Variants in FGF14 observed in about 807,000 individuals in gnomAD.
FGF14 encodes fibroblast growth factor homologous factor 4.
Under a neutral mutation model 25.5 loss-of-function variants are expected in FGF14, and 5 were observed. The ratio of observed to expected loss-of-function variants is 0.20; its 90% CI spans 0.10 to 0.41. The LOEUF (loss-of-function observed/expected upper bound fraction) is 0.41, where lower values mean the gene tolerates loss of function less well. FGF14 is among the 10% of genes least tolerant of loss of function. The pLI, the probability that FGF14 is intolerant of heterozygous loss-of-function variation, is 1.00. For missense variants in FGF14, 222 were observed against 320.1 expected (o/e 0.69, Z 2.34); for synonymous variants, 138 against 118.3 (o/e 1.17, Z -1.08).
chr13:102,164,317 ACAAT>A (rs1373331182), intron 1 of FGF14, among the ~76,000 whole-genome samples: 2 of 152,204 alleles, frequency 1.3e-5, no homozygotes, highest in African/African-American at 2.4e-5. Flanking sequence ...AGCACTGCTG[ACAAT>A]CAATGAATAC....
chr13:102,029,918 G>C (rs1258251793), intron 1 of FGF14, among the ~76,000 whole-genome samples: 2 of 152,038 alleles, frequency 1.3e-5, no homozygotes, highest in African/African-American at 4.8e-5. Flanking sequence ...TAAGAATATA[G>C]GAGGAAGCAA....
chr13:102,132,916 G>A (rs999192564), intron 1 of FGF14, among the ~76,000 whole-genome samples: 1 of 152,138 alleles, frequency 6.6e-6, no homozygotes, highest in African/African-American at 2.4e-5. Context: ...TTGTTAAAAA[G>A]ATTTTCAGGT....
chr13:101,886,559 A>T (rs1304226126), intron 1 of FGF14, among the ~76,000 whole-genome samples: 1 of 152,212 alleles, frequency 6.6e-6, no homozygotes, highest in Non-Finnish European at 1.5e-5. Context: ...TAAAGATTTA[A>T]ATGTAATACG....
chr13:101,893,774 C>T (rs1241014068), intron 1 of FGF14, among the ~76,000 whole-genome samples: 1 of 152,134 alleles, frequency 6.6e-6, no homozygotes, highest in Non-Finnish European at 1.5e-5. Flanking sequence ...CAATTTTAGC[C>T]TGGCGAGATC....
At chr13:102,378,782 T>C (rs1034174771) in intron 1 of FGF14, among the ~76,000 whole-genome samples, 5 of 152,102 alleles carry the variant, frequency 3.3e-5, no homozygotes, top group African/African-American at 2.4e-5. Flanking sequence ...AAAGTTCATA[T>C]AGTGCTGTCT....
chr13:102,328,563 A>G (rs774648003), intron 1 of FGF14, among the ~76,000 whole-genome samples: 1 of 152,220 alleles, frequency 6.6e-6, no homozygotes, highest in Non-Finnish European at 1.5e-5. Flanking sequence ...AATTCTGTCC[A>G]TTCATGGAGC....
chr13:102,259,980 C>G (rs542219505), intron 1 of FGF14, among the ~76,000 whole-genome samples: 26 of 152,268 alleles, frequency 1.7e-4, no homozygotes, highest in African/African-American at 5.3e-4. Context: ...TCCCACGTTC[C>G]CGACACCCTT....
At chr13:102,020,303 C>G (rs537050147) in intron 1 of FGF14, among the ~76,000 whole-genome samples, 1 of 152,002 alleles carries the variant, frequency 6.6e-6, no homozygotes, top group Non-Finnish European at 1.5e-5. Flanking sequence ...AATCCCAGCA[C>G]TTTGGGAGGC....
At chr13:102,372,114 A>G (rs556690349) in intron 1 of FGF14, among the ~76,000 whole-genome samples, 1 of 152,282 alleles carries the variant, frequency 6.6e-6, no homozygotes, top group South Asian at 2.1e-4. Flanking sequence ...AATCCATTTT[A>G]ATGCTATAAT....
At chr13:101,877,742 C>T (rs1000475880) in intron 1 of FGF14, among the ~76,000 whole-genome samples, 2 of 152,112 alleles carry the variant, frequency 1.3e-5, no homozygotes, top group Non-Finnish European at 1.5e-5. Context: ...AAAGCAGTAA[C>T]GCAAAGGTTA....
chr13:101,724,923 A>T (rs529806682), intron 4 of FGF14, among the ~76,000 whole-genome samples: 1 of 152,022 alleles, frequency 6.6e-6, no homozygotes, highest in Admixed American at 6.6e-5. Flanking sequence ...TAACAAATAC[A>T]TGAGTGAAAT....
At chr13:102,229,161 A>G (rs1030329434) in intron 1 of FGF14, among the ~76,000 whole-genome samples, 1 of 152,196 alleles carries the variant, frequency 6.6e-6, no homozygotes, top group Non-Finnish European at 1.5e-5. Context: ...TCTCACTCAC[A>G]GCAGACTTTG....
chr13:101,858,327 C>A (rs1372540609), intron 3 of FGF14, among the ~76,000 whole-genome samples: 1 of 151,168 alleles, frequency 6.6e-6, no homozygotes, highest in African/African-American at 2.4e-5. Context: ...TTTAAAGATG[C>A]ACAATTTTGC....
chr13:102,110,750 T>TA (rs34488656), intron 1 of FGF14, among the ~76,000 whole-genome samples: 44,444 of 151,964 alleles, frequency 0.29, 7,536 homozygotes, highest in Non-Finnish European at 0.38. Flanking sequence ...CCAAGCCTTC[T>TA]AGGGAAAGAA....
chr13:102,285,110 C>T (rs572215116), intron 1 of FGF14, among the ~76,000 whole-genome samples: 41 of 152,310 alleles, frequency 2.7e-4, no homozygotes, highest in African/African-American at 9.6e-4. Context: ...GCCACAAGAA[C>T]ACATCTACTT....
intron 1 of FGF14, among the ~76,000 whole-genome samples, chr13:101,901,296 C>G (rs1432918379): frequency 6.6e-6 from 1 of 152,146 alleles, no homozygotes; most frequent in Non-Finnish European, 1.5e-5. Flanking sequence ...CTTGATGTCT[C>G]CCTCCCACTT....
At chr13:102,194,990 AATAAGAATTCT>A (rs1274130437) in intron 1 of FGF14, among the ~76,000 whole-genome samples, 3 of 152,220 alleles carry the variant, frequency 2.0e-5, no homozygotes, top group Non-Finnish European at 4.4e-5. Flanking sequence ...AATACTGTCA[AATAAGAATTCT>A]ATAATTTTCA....
intron 1 of FGF14, among the ~76,000 whole-genome samples, chr13:102,283,001 T>A (rs1463684217): frequency 2.6e-5 from 4 of 152,220 alleles, no homozygotes; most frequent in African/African-American, 9.6e-5. Context: ...TAGGCATTTA[T>A]CTCTTTCTCT....
intron 3 of FGF14, among the ~76,000 whole-genome samples, chr13:101,849,040 C>G (rs981869095): frequency 1.3e-5 from 2 of 152,116 alleles, no homozygotes; most frequent in African/African-American, 4.8e-5. Context: ...TTCCTCTCTT[C>G]CTTCCTTGCT....
Sources: allele counts gnomAD v4.1 joint callset (sites outside exome capture counted in the v4.1 genomes callset), GRCh38; gene constraint gnomAD v4.1.1; transcripts MANE v1.5; gene names NCBI Gene and HGNC (gene_info 2026-07-23, HGNC 2026-07-21).